BCAS3: variants seen among roughly 807,000 people sequenced by gnomAD.
BCAS3 encodes the protein BCAS3 microtubule associated cell migration factor, also known as BCAS4/BCAS3 fusion.
A neutral mutation model predicts 116.1 loss-of-function variants in BCAS3; 53 were observed. The observed-to-expected ratio is 0.46, with a 90% CI of 0.37 to 0.57. The LOEUF is 0.57. Ranked by LOEUF, BCAS3 falls within the 20% of genes least tolerant of loss-of-function variation. The probability of loss-of-function intolerance (pLI) is 0.00; values close to 1 mark genes in which losing one functional copy is unlikely to be tolerated. For synonymous variants in BCAS3, 391 were observed against 408.2 expected (o/e 0.96, Z 0.51); for missense variants, 917 against 1,165.4 (o/e 0.79, Z 3.10).
At chr17:60,853,909 T>G (rs1214016674) in intron 7 of BCAS3, among the ~76,000 whole-genome samples, 1 of 152,044 alleles carries the variant, frequency 6.6e-6, no homozygotes, top group Non-Finnish European at 1.5e-5. Flanking sequence ...TGTAAGTTGT[T>G]TTTTTTTATA....
At chr17:60,969,502 A>C (rs1394070132) in intron 14 of BCAS3, among the ~76,000 whole-genome samples, 1 of 152,218 alleles carries the variant, frequency 6.6e-6, no homozygotes, top group African/African-American at 2.4e-5. Context: ...GAAATTTCCA[A>C]ACCAAATGAG....
chr17:61,110,797 GACAA>G (rs1225973533), intron 22 of BCAS3, among the ~76,000 whole-genome samples: 3 of 152,158 alleles, frequency 2.0e-5, no homozygotes, highest in Non-Finnish European at 2.9e-5. Flanking sequence ...GCAGGGCACA[GACAA>G]ACAAAAAGAC....
At chr17:61,350,708 C>T (rs11868750) in intron 22 of BCAS3, among the ~76,000 whole-genome samples, 64,565 of 151,018 alleles carry the variant, frequency 0.43, 16,024 homozygotes, top group Non-Finnish European at 0.56. Flanking sequence ...TCATGGCTCA[C>T]TGCAGCCTCA....
chr17:61,096,899 A>G (rs1464196834), intron 22 of BCAS3, among the ~76,000 whole-genome samples: 1 of 152,232 alleles, frequency 6.6e-6, no homozygotes, highest in East Asian at 1.9e-4. Flanking sequence ...TGTGAGCGGT[A>G]TATCAAACTA....
intron 22 of BCAS3, among the ~76,000 whole-genome samples, chr17:61,206,629 C>T (rs1034797671): frequency 5.9e-5 from 9 of 151,514 alleles, no homozygotes; most frequent in African/African-American, 1.5e-4. Context: ...GTGAAACCCC[C>T]GTCTCTACTA....
chr17:60,969,922 T>C (rs1294119440), intron 14 of BCAS3, among the ~76,000 whole-genome samples: 4 of 152,214 alleles, frequency 2.6e-5, no homozygotes, highest in African/African-American at 7.2e-5. Context: ...CACCTGAAGT[T>C]TTCCATCAAA....
chr17:60,797,255 A>G (rs1277875477), intron 6 of BCAS3, among the ~76,000 whole-genome samples: 1 of 152,018 alleles, frequency 6.6e-6, no homozygotes, highest in Non-Finnish European at 1.5e-5. Flanking sequence ...TTCTTTATCC[A>G]TTCATCTATC....
At chr17:60,736,974 CT>C (rs2041050656) in intron 5 of BCAS3, among the ~76,000 whole-genome samples, 1 of 142,210 alleles carries the variant, frequency 7.0e-6, no homozygotes, top group Non-Finnish European at 1.5e-5. Flanking sequence ...GAGTCTTGCT[CT>C]TTTGCTGAGG....
At chr17:61,061,110 T>G (rs1282862289) in intron 19 of BCAS3, among the ~76,000 whole-genome samples, 1 of 152,222 alleles carries the variant, frequency 6.6e-6, no homozygotes, top group Non-Finnish European at 1.5e-5. Context: ...GAATGCTTAA[T>G]GATCATTTAA....
rs1225453503 is a variant in BCAS3, at chr17:61,281,590, G to A, written c.2426-86737G>A. ...CATTTCTCTTAGACTGGCATGGAAC[G>A]TATTTTCACAAATTTAAATGCCATA... is the stretch of plus-strand genomic sequence containing the variant. On this transcript the variant is annotated intron_variant, in intron 22 of 23. Transcript: ENST00000407086. This position sits in a 1 kb window ranked among gnomAD's most constrained non-coding sequence, Gnocchi z 4.2. 1.3e-5 allele frequency among the ~76,000 whole-genome samples: 2 copies of A among 152,034 alleles called. No individual in the cohort carries two copies. The highest frequency in any genetic ancestry group is 2.1e-4 in the South Asian group (1 of 4,820).
intron 22 of BCAS3, among the ~76,000 whole-genome samples, chr17:61,115,972 T>C (rs2075406794): frequency 6.6e-6 from 1 of 151,160 alleles, no homozygotes. Context: ...ATCATCATTC[T>C]CAGTAAACTA....
chr17:60,719,226 G>A lies in BCAS3; in HGVS notation c.321+9901G>A, dbSNP rs186330596. 1.6e-3 allele frequency among the ~76,000 whole-genome samples: 246 copies of A among 152,288 alleles called. 1 individual carries two copies. The highest frequency in any genetic ancestry group is 5.6e-3 in the African/African-American group (234 of 41,560). On this transcript the variant is annotated intron_variant, in intron 5 of 23. Transcript: ENST00000407086. Reference sequence around the variant, plus strand: ...TTAAATGTGTGAACCATAGACTGTTGCTGGTCCATAAACTGGTGATAGCGA... The same window carrying A: ...TTAAATGTGTGAACCATAGACTGTTACTGGTCCATAAACTGGTGATAGCGA...
At chr17:60,795,493 C>A (rs1301867736) in intron 6 of BCAS3, among the ~76,000 whole-genome samples, 1 of 152,076 alleles carries the variant, frequency 6.6e-6, no homozygotes, top group Non-Finnish European at 1.5e-5. Flanking sequence ...TTATCTTGTT[C>A]CAGTTCTCAG....
Position 61,251,398 on chromosome 17 carries a change from G to A in BCAS3, c.2426-116929G>A, listed in dbSNP as rs34511262. Among the ~76,000 whole-genome samples, 20,670 of 152,018 alleles carry A rather than the reference G, an allele frequency of 0.14. 1,632 individuals carry two copies. The highest frequency in any genetic ancestry group is 0.18 in the Middle Eastern group (54 of 294). On this transcript the variant is annotated intron_variant, in intron 22 of 23. Transcript: ENST00000407086. This position sits in a 1 kb window ranked among gnomAD's most constrained non-coding sequence, Gnocchi z 4.7. ...ATCCTGGCCAATATGGCGAAACCCCGTCTCTACTAAAAATACAAAAAATTA... is the reference window on the plus strand; with the variant it reads ...ATCCTGGCCAATATGGCGAAACCCCATCTCTACTAAAAATACAAAAAATTA...
Position 61,026,961 on chromosome 17 carries a change from A to G in BCAS3, c.1638-7705A>G. On this transcript the variant is annotated intron_variant, in intron 16 of 23. Transcript: ENST00000407086. The surrounding 1 kb of genome is among the most constrained non-coding windows in gnomAD (Gnocchi z 5.0). Reference sequence around the variant, plus strand: ...CCTCATTCATTTGCTGTACTCTCAAAAAGTAATTTGTTTTGTAGTTTTGTT... The same window carrying G: ...CCTCATTCATTTGCTGTACTCTCAAGAAGTAATTTGTTTTGTAGTTTTGTT... 6.5e-7 allele frequency: 1 copy of G among 1,537,096 alleles called. No individual in the cohort carries two copies. Among genetic ancestry groups the G allele is most frequent in the Non-Finnish European group, 8.9e-7 (1 of 1,126,544 alleles).
intron 13 of BCAS3, among the ~76,000 whole-genome samples, chr17:60,932,658 C>T (rs1398620641): frequency 2.8e-5 from 4 of 141,690 alleles, no homozygotes; most frequent in African/African-American, 1.1e-4. Flanking sequence ...AGAAGAATGG[C>T]ATGAACTTGG....
chr17:61,053,496 G>A (rs1046816180), intron 19 of BCAS3, among the ~76,000 whole-genome samples: 8 of 152,182 alleles, frequency 5.3e-5, no homozygotes, highest in Non-Finnish European at 1.2e-4. Flanking sequence ...GTTTTCTACC[G>A]TGGATATTGT....
Position 60,976,020 on chromosome 17 carries a change from C to CTTTTTTTTTTTT in BCAS3, c.1222-13942_1222-13931dup, listed in dbSNP as rs755966067. Among the ~76,000 whole-genome samples the CTTTTTTTTTTTT allele has an allele frequency of 7.8e-4, 77 of 98,264 alleles. 4 individuals carry two copies. The highest frequency in any genetic ancestry group is 9.2e-4 in the Non-Finnish European group (52 of 56,598). The allele number at this position is 98,264 out of a possible 152,430, so 64.5% of individuals were successfully genotyped here. A position where few individuals can be genotyped will look rare whatever the true frequency, so the allele number is the denominator to read the frequency against. ...GCAAACATTTGTATATAGATTTTTG[C>CTTTTTTTTTTTT]TTTTTTTTTTTTTTTTTTTTCTTTT... On this transcript the variant is annotated intron_variant, in intron 14 of 23. Transcript: ENST00000407086.
chr17:60,907,619 T>C (rs2058253595), intron 11 of BCAS3, among the ~76,000 whole-genome samples: 1 of 152,216 alleles, frequency 6.6e-6, no homozygotes, highest in South Asian at 2.1e-4. Flanking sequence ...TTCAGCTGTC[T>C]TACAGCTACA....
Sources: gnomAD v4.1 joint callset for allele counts (sites outside exome capture counted in the v4.1 genomes callset) on GRCh38, gnomAD v4.1.1 for gene constraint, Gnocchi (gnomAD v3.1) non-coding constraint, MANE v1.5 for transcripts, NCBI Gene and HGNC (gene_info 2026-07-23, HGNC 2026-07-21) for gene names.